CRLF3: variants seen among roughly 807,000 people sequenced by gnomAD.
CRLF3 encodes the protein cytokine receptor like factor 3.
Under a neutral mutation model 55.0 loss-of-function variants are expected in CRLF3, and 33 were observed. The ratio of observed to expected loss-of-function variants is 0.60; its 90% CI spans 0.46 to 0.80. The LOEUF (loss-of-function observed/expected upper bound fraction) is 0.80, where lower values mean the gene tolerates loss of function less well. CRLF3 is among the 30% of genes least tolerant of loss of function. CRLF3 has a pLI of 0.00. For synonymous variants in CRLF3, 238 were observed against 196.8 expected (o/e 1.21, Z -1.75); for missense variants, 494 against 538.4 (o/e 0.92, Z 0.82).
intron 7 of CRLF3, among the ~76,000 whole-genome samples, chr17:30,785,641 TCA>T (rs56412416): frequency 0.13 from 19,229 of 151,712 alleles, 1,279 homozygotes; most frequent in South Asian, 0.25. Flanking sequence ...AATTAGCCAG[TCA>T]CAGTGGCATG....
At chr17:30,815,949 A>G (rs906501821) in intron 1 of CRLF3, among the ~76,000 whole-genome samples, 1 of 149,416 alleles carries the variant, frequency 6.7e-6, no homozygotes, top group African/African-American at 2.5e-5. Context: ...ATTTCTGTAC[A>G]TTGGTGTTGT....
At chr17:30,814,038 C>T (rs1024711170) in intron 1 of CRLF3, among the ~76,000 whole-genome samples, 1 of 152,150 alleles carries the variant, frequency 6.6e-6, no homozygotes. Flanking sequence ...GGGCAGATCA[C>T]TTGAGGCCAG....
rs1229725414 is a variant in CRLF3, at chr17:30,824,681, G to A, written c.-30C>T. ...CCGCGCGGCCGGCGAAACCTAGCGC[G>A]GGTTCCCGACTGCACCGGGCGCCTC... On this transcript the variant is annotated 5_prime_UTR_variant, in exon 1 of 8. Coordinates refer to ENST00000324238, the MANE Select transcript of CRLF3 (RefSeq NM_015986.4). 6 of 1,579,620 alleles carry A rather than the reference G, an allele frequency of 3.8e-6. No homozygotes were observed. Among genetic ancestry groups the A allele is most frequent in the African/African-American group, 1.4e-5 (1 of 72,400 alleles).
chr17:30,793,600 C>T lies in CRLF3; in HGVS notation c.676G>A (p.Val226Ile). 1 of 1,614,072 alleles carries T rather than the reference C, an allele frequency of 6.2e-7. No individual in the cohort carries two copies. Among genetic ancestry groups the T allele is most frequent in the African/African-American group, 1.3e-5 (1 of 75,042 alleles). The change falls in exon 5 of 8, where the codon GTA becomes ATA. Residue 226 changes from valine to isoleucine, a missense_variant. Transcript: ENST00000324238. ...RKCTSNHFED[V>I]YVGSETEFIV... ...AATTCAGTTTCAGAACCTACATATA[C>T]ATCCTCAAAATGATTTGAAGTACAT...
In CRLF3 at chr17:30,784,223, T is replaced by C. The variant is rs1971579391; in HGVS notation, c.1293A>G (p.Ser431=). The C allele has an allele frequency of 6.2e-7, 1 of 1,613,702 alleles. No homozygotes were observed. The change falls in exon 8 of 8, where the codon TCA becomes TCG. Residue 431 remains serine, a synonymous_variant. Transcript: ENST00000324238. Reference sequence around the variant, plus strand: ...ACACTTTCCATCCAGGATAGAAAAATGAGCATCCAAAGTAAAGAGAACCAC... The same window carrying C: ...ACACTTTCCATCCAGGATAGAAAAACGAGCATCCAAAGTAAAGAGAACCAC... ...QSCGSLYFGC[S]FFYPGWKVLV...
chr17:30,794,896 A>G (rs1971886677), intron 4 of CRLF3, among the ~76,000 whole-genome samples: 1 of 152,190 alleles, frequency 6.6e-6, no homozygotes, highest in African/African-American at 2.4e-5. Context: ...ACAGAAACTC[A>G]TATACTCCTT....
At position 30,784,130 on chromosome 17, in the gene CRLF3, G is replaced by T. The variant is rs753004094; in HGVS notation, c.*57C>A. 80 of 1,505,096 alleles carry T rather than the reference G, an allele frequency of 5.3e-5. No homozygotes were observed. The highest frequency in any genetic ancestry group is 6.9e-5 in the Non-Finnish European group (77 of 1,110,124). 93.2% of individuals were successfully genotyped at this position (1,505,096 alleles called of 1,614,324 possible). On this transcript the variant is annotated 3_prime_UTR_variant, in exon 8 of 8. Coordinates refer to ENST00000324238, the MANE Select transcript of CRLF3 (RefSeq NM_015986.4). The stretch of plus-strand genomic sequence containing the variant: ...TTTTTTTTAAAGCAATTACAACTAC[G>T]CTGGGCTGAGGACAGCTACGTTAGA...
chr17:30,818,239 G>C (rs1041038804), intron 1 of CRLF3, among the ~76,000 whole-genome samples: 16 of 151,584 alleles, frequency 1.1e-4, no homozygotes, highest in Non-Finnish European at 2.1e-4. Flanking sequence ...CAGCCTGGGC[G>C]ACAAGAGCGA....
intron 2 of CRLF3, among the ~76,000 whole-genome samples, chr17:30,801,654 C>T (rs1972009107): frequency 6.6e-6 from 1 of 152,056 alleles, no homozygotes; most frequent in African/African-American, 2.4e-5. Context: ...TAGTCTCAAA[C>T]TCCTGACCTC....
At chr17:30,821,781 G>C (rs1161149970) in intron 1 of CRLF3, among the ~76,000 whole-genome samples, 1 of 152,120 alleles carries the variant, frequency 6.6e-6, no homozygotes, top group African/African-American at 2.4e-5. Context: ...GGGAGTGACA[G>C]CTAAGGAGTT....
At chr17:30,794,263 C>G (rs1971869449) in intron 4 of CRLF3, among the ~76,000 whole-genome samples, 1 of 152,068 alleles carries the variant, frequency 6.6e-6, no homozygotes, top group Non-Finnish European at 1.5e-5. Flanking sequence ...TTCAGTAAGT[C>G]TCCCACAACC....
At position 30,784,092 on chromosome 17, in the gene CRLF3, G is replaced by A. The variant is rs1388241942; in HGVS notation, c.*95C>T. On this transcript the variant is annotated 3_prime_UTR_variant, in exon 8 of 8. Coordinates refer to ENST00000324238, the MANE Select transcript of CRLF3 (RefSeq NM_015986.4). Reference sequence around the variant, plus strand: ...ACACTTTCCAATGGCCTAAGTTAGAGATGAATTCAACTTTTTTTTTAAAGC... The same window carrying A: ...ACACTTTCCAATGGCCTAAGTTAGAAATGAATTCAACTTTTTTTTTAAAGC... The A allele has an allele frequency of 1.8e-5, 21 of 1,138,392 alleles. No individual in the cohort carries two copies. The highest frequency in any genetic ancestry group is 6.1e-4 in the Middle Eastern group (2 of 3,268). The allele number at this position is 1,138,392 out of a possible 1,614,324, so 70.5% of individuals were successfully genotyped here.
chr17:30,822,984 C>T (rs1333183450), intron 1 of CRLF3, among the ~76,000 whole-genome samples: 1 of 152,104 alleles, frequency 6.6e-6, no homozygotes, highest in African/African-American at 2.4e-5. Context: ...ACCAAATCAG[C>T]ATAATCATAT....
intron 1 of CRLF3, among the ~76,000 whole-genome samples, chr17:30,809,362 A>G (rs1323159445): frequency 3.3e-5 from 5 of 152,214 alleles, no homozygotes; most frequent in Non-Finnish European, 1.5e-5. Context: ...TTCATGATTT[A>G]AAGCCTAGTC....
chr17:30,784,205 C>A lies in CRLF3; in HGVS notation c.1311G>T (p.Trp437Cys). The A allele has an allele frequency of 6.2e-7, 1 of 1,613,758 alleles. No homozygotes were observed. Among genetic ancestry groups the A allele is most frequent in the Non-Finnish European group, 8.5e-7 (1 of 1,179,940 alleles). ...CAAACATCTAAAACACTAACACTTT[C>A]CATCCAGGATAGAAAAATGAGCATC... ...YFGCSFFYPGWKVLVF is the reference protein window; with the variant it reads ...YFGCSFFYPGCKVLVF The change falls in exon 8 of 8, where the codon TGG (tryptophan) becomes TGT (cysteine). Residue 437 changes from tryptophan to cysteine, a missense_variant. Physicochemically the swap from Trp to Cys is radical, Grantham distance 215 (BLOSUM62 -2). Coordinates refer to ENST00000324238, the MANE Select transcript of CRLF3 (RefSeq NM_015986.4).
intron 1 of CRLF3, among the ~76,000 whole-genome samples, chr17:30,821,666 A>AAGTCAGTC (rs1184957167): frequency 6.6e-6 from 1 of 152,214 alleles, no homozygotes; most frequent in African/African-American, 2.4e-5. Flanking sequence ...TAAGTCAAAG[A>AAGTCAGTC]AGTCAGTCAC....
rs1415074361 is a variant in CRLF3 at position 30,784,076 on chromosome 17, A to G, written c.*111T>C. ...AAAATGAATCCAGTAAACACTTTCC[A>G]ATGGCCTAAGTTAGAGATGAATTCA... On this transcript the variant is annotated 3_prime_UTR_variant, in exon 8 of 8. Coordinates refer to ENST00000324238, the MANE Select transcript of CRLF3 (RefSeq NM_015986.4). 3 of 933,136 alleles carry G rather than the reference A, an allele frequency of 3.2e-6. No homozygotes were observed. Among genetic ancestry groups the G allele is most frequent in the Admixed American group, 5.1e-5 (2 of 39,430 alleles). 57.8% of individuals were successfully genotyped at this position (933,136 alleles called of 1,614,324 possible).
At chr17:30,799,409 G>C (rs2031977735) in intron 2 of CRLF3, among the ~76,000 whole-genome samples, 1 of 152,148 alleles carries the variant, frequency 6.6e-6, no homozygotes, top group South Asian at 2.1e-4. Context: ...ACCCAGGCTG[G>C]AGTGTGATGT....
At chr17:30,801,577 CCCA>C (rs1398567482) in intron 2 of CRLF3, among the ~76,000 whole-genome samples, 1 of 151,986 alleles carries the variant, frequency 6.6e-6, no homozygotes, top group Non-Finnish European at 1.5e-5. Context: ...ATTACAGGTG[CCCA>C]CCACCACGTC....
Sources: allele counts gnomAD v4.1 joint callset (sites outside exome capture counted in the v4.1 genomes callset), GRCh38; gene constraint gnomAD v4.1.1; transcripts MANE v1.5; gene names NCBI Gene and HGNC (gene_info 2026-07-23, HGNC 2026-07-21).